SLC44A1: variants seen among roughly 807,000 people sequenced by gnomAD.
SLC44A1 encodes choline transporter-like protein 1.
Under a neutral mutation model 79.3 loss-of-function variants are expected in SLC44A1, and 26 were observed. The observed-to-expected ratio is 0.33, with a 90% CI of 0.24 to 0.46. The LOEUF (loss-of-function observed/expected upper bound fraction) is 0.46. SLC44A1 is among the 20% of genes least tolerant of loss of function. The probability of loss-of-function intolerance (pLI) is 1.00; values close to 1 mark genes in which losing one functional copy is unlikely to be tolerated. For synonymous variants in SLC44A1, 263 were observed against 286.2 expected, an observed-to-expected ratio of 0.92 and a Z score of 0.82; for missense variants, 688 against 798.1, an observed-to-expected ratio of 0.86 and a Z score of 1.66.
At chr9:105,254,281 C>G (rs59674098) in intron 1 of SLC44A1, among the ~76,000 whole-genome samples, 1 of 152,062 alleles carries the variant, frequency 6.6e-6, no homozygotes, top group African/African-American at 2.4e-5. Flanking sequence ...CTCTTCTTAC[C>G]GTCTTTTGCT....
chr9:105,412,819 A>T (rs1218425900), intron 15 of SLC44A1, among the ~76,000 whole-genome samples: 1 of 151,882 alleles, frequency 6.6e-6, no homozygotes, highest in Non-Finnish European at 1.5e-5. Context: ...GGCCAGGCTG[A>T]TCTCGAACTC....
At chr9:105,300,695 T>G (rs1010470473) in intron 2 of SLC44A1, among the ~76,000 whole-genome samples, 2 of 152,164 alleles carry the variant, frequency 1.3e-5, no homozygotes, top group East Asian at 3.8e-4. Context: ...TAAAAGATAT[T>G]GCTCAAAAGT....
chr9:105,319,036 A>G (rs909935023), intron 3 of SLC44A1, among the ~76,000 whole-genome samples: 1 of 152,160 alleles, frequency 6.6e-6, no homozygotes, highest in Admixed American at 6.5e-5. Flanking sequence ...CCTTTGTAAT[A>G]TACTTCAGGT....
intron 5 of SLC44A1, among the ~76,000 whole-genome samples, chr9:105,354,039 C>CTTTTTTTTTTTTTTTTTTTT (rs556502972): frequency 2.0e-5 from 2 of 98,484 alleles, no homozygotes; most frequent in African/African-American, 1.0e-4. Context: ...ACAGTTAATC[C>CTTTTTTTTTTTTTTTTTTTT]TTTTTTTTTT....
chr9:105,246,511 G>C (rs991124867), intron 1 of SLC44A1, among the ~76,000 whole-genome samples: 3 of 151,948 alleles, frequency 2.0e-5, no homozygotes, highest in African/African-American at 7.3e-5. Flanking sequence ...AGAGGTGTTA[G>C]GAAGGAGAGG....
At chr9:105,249,692 T>A (rs1449600261) in intron 1 of SLC44A1, among the ~76,000 whole-genome samples, 1 of 128,844 alleles carries the variant, frequency 7.8e-6, no homozygotes, top group Non-Finnish European at 1.5e-5. Flanking sequence ...ACCCAGCTAA[T>A]TTTTTTTTTT....
rs577449203 is a variant in SLC44A1 at position 105,278,243 on chromosome 9, C to CTATTTATT, written c.37-20961_37-20954dup. Among the ~76,000 whole-genome samples, 642 of 149,770 alleles carry CTATTTATT rather than the reference C, an allele frequency of 4.3e-3. 2 individuals carry two copies. The highest frequency in any genetic ancestry group is 0.015 in the African/African-American group (601 of 40,828). ...GCCTGGCTAATTTTTTTTTCTTTTT[C>CTATTTATT]TATTTATTTATTTATTTATTTATGA... is the stretch of plus-strand genomic sequence containing the variant. On this transcript the variant is annotated intron_variant, in intron 1 of 15. Transcript: ENST00000374720.
At chr9:105,297,897 G>A (rs902554033) in intron 1 of SLC44A1, among the ~76,000 whole-genome samples, 15 of 152,092 alleles carry the variant, frequency 9.9e-5, no homozygotes, top group African/African-American at 3.1e-4. Flanking sequence ...ATCTTGTCAC[G>A]GAAGCCACTG....
At chr9:105,410,116 A>G (rs1057401697) in intron 15 of SLC44A1, among the ~76,000 whole-genome samples, 2 of 152,208 alleles carry the variant, frequency 1.3e-5, no homozygotes, top group Non-Finnish European at 2.9e-5. Context: ...TAAGAGCTAA[A>G]ACCCTAAACC....
intron 1 of SLC44A1, among the ~76,000 whole-genome samples, chr9:105,278,158 C>T (rs1425180128): frequency 1.3e-5 from 2 of 151,714 alleles, no homozygotes; most frequent in East Asian, 3.9e-4. Flanking sequence ...GCCTCCCAGG[C>T]TCAAGCGATT....
chr9:105,329,328 C>T lies in SLC44A1; in HGVS notation c.270-6235C>T, dbSNP rs139702461. ...ACAGAGGGATTTTTCAGCCTGCTTT[C>T]CAGCTTTAGTGCTGCAGTGCTTCCA... On this transcript the variant is annotated intron_variant, in intron 3 of 15. Transcript: ENST00000374720. Among the ~76,000 whole-genome samples, 944 of 152,292 alleles carry T rather than the reference C, an allele frequency of 6.2e-3. 4 individuals are homozygous for T. The highest frequency in any genetic ancestry group is 0.011 in the Non-Finnish European group (753 of 68,032).
intron 5 of SLC44A1, among the ~76,000 whole-genome samples, chr9:105,352,709 T>A (rs1042510167): frequency 1.3e-5 from 2 of 152,200 alleles, no homozygotes; most frequent in African/African-American, 4.8e-5. Context: ...GATCTCGTAA[T>A]ACTAGCTCCT....
At chr9:105,266,053 G>A (rs979211043) in intron 1 of SLC44A1, among the ~76,000 whole-genome samples, 1 of 152,110 alleles carries the variant, frequency 6.6e-6, no homozygotes, top group African/African-American at 2.4e-5. Context: ...AAACTCCTGG[G>A]CTCAAACAGT....
At chr9:105,399,475 TA>T (rs1828928361), downstream of SLC44A1, among the ~76,000 whole-genome samples, 1 of 151,740 alleles carries the variant, frequency 6.6e-6, no homozygotes. Flanking sequence ...TACAACAAAA[TA>T]AAACAATTTT....
intron 1 of SLC44A1, among the ~76,000 whole-genome samples, chr9:105,276,012 A>T (rs1465935794): frequency 6.6e-6 from 1 of 151,814 alleles, no homozygotes; most frequent in Non-Finnish European, 1.5e-5. Flanking sequence ...ACCATGTTGG[A>T]CCAGGTTGGT....
chr9:105,392,714 T>C lies in SLC44A1; in HGVS notation c.*3658T>C. The C allele has an allele frequency of 2.0e-6, 2 of 985,416 alleles. No homozygotes were observed. Among genetic ancestry groups the C allele is most frequent in the Non-Finnish European group, 2.4e-6 (2 of 829,916 alleles). The allele number at this position is 985,416 out of a possible 1,614,324, so 61.0% of individuals were successfully genotyped here. A position where few individuals can be genotyped will look rare whatever the true frequency, so the allele number is the denominator to read the frequency against. ...ATTTCCACCATGCACTATTACTAGC[T>C]ACTAACAGCCATTTTAAGAGATCTC... On this transcript the variant is annotated 3_prime_UTR_variant, in exon 16 of 16. Transcript: ENST00000374720.
At chr9:105,346,155 A>G (rs1387084733) in intron 4 of SLC44A1, among the ~76,000 whole-genome samples, 1 of 152,180 alleles carries the variant, frequency 6.6e-6, no homozygotes, top group Non-Finnish European at 1.5e-5. Flanking sequence ...AGCAGGAAGC[A>G]GTATAAGGTT....
chr9:105,310,509 A>C (rs2131310652), intron 3 of SLC44A1, among the ~76,000 whole-genome samples: 1 of 152,336 alleles, frequency 6.6e-6, no homozygotes, highest in South Asian at 2.1e-4. Context: ...ATATTTGTAC[A>C]GACTATATAT....
chr9:105,342,684 A>G (rs150382868), intron 4 of SLC44A1, among the ~76,000 whole-genome samples: 42 of 152,298 alleles, frequency 2.8e-4, no homozygotes, highest in Admixed American at 5.2e-4. Flanking sequence ...ATTGTTCAGC[A>G]TGGGCATCTG....
Sources: gnomAD v4.1 joint callset for allele counts (sites outside exome capture counted in the v4.1 genomes callset) on GRCh38, gnomAD v4.1.1 for gene constraint, MANE v1.5 for transcripts, NCBI Gene and HGNC (gene_info 2026-07-23, HGNC 2026-07-21) for gene names.